Variants in PREP observed in about 807,000 individuals in gnomAD.
PREP encodes dJ355L5.1 (prolyl endopeptidase).
PREP carries 29 observed loss-of-function variants against 87.6 expected under a neutral mutation model. The observed-to-expected ratio is 0.33, with a 90% CI of 0.25 to 0.45. The LOEUF (loss-of-function observed/expected upper bound fraction) is 0.45, where lower values mean the gene tolerates loss of function less well. Ranked by LOEUF, PREP falls within the 20% of genes least tolerant of loss-of-function variation. The pLI, the probability that PREP is intolerant of heterozygous loss-of-function variation, is 1.00. For synonymous variants in PREP, 337 were observed against 328.6 expected (o/e 1.03, Z -0.28); for missense variants, 695 against 886.5 (o/e 0.78, Z 2.74).
At position 105,387,081 on chromosome 6, in the gene PREP, C is replaced by T. The variant is rs539681220; in HGVS notation, c.121-9562G>A. On this transcript the variant is annotated intron_variant, in intron 2 of 14. Transcript: ENST00000652536. ...TACAAAAATTAGCCAGGTGTGGAGGCGGATGCCTGTAGTCCCACCTACTCA... is the reference window on the plus strand; with the variant it reads ...TACAAAAATTAGCCAGGTGTGGAGGTGGATGCCTGTAGTCCCACCTACTCA... Among the ~76,000 whole-genome samples, 60 of 152,144 alleles carry T rather than the reference C, an allele frequency of 3.9e-4. No individual in the cohort carries two copies. The South Asian group carries it at 6.0e-3, about 15-fold the overall frequency.
chr6:105,279,168 T>C lies in PREP; in HGVS notation c.1839-730A>G, dbSNP rs555831365. ...TTGAAATATCTGGATATTTTTTCTT[T>C]ACATTCTCCTAATAGGGGTGTCATG... is the stretch of plus-strand genomic sequence containing the variant. On this transcript the variant is annotated intron_variant, in intron 14 of 14. Transcript: ENST00000652536. The C allele has an allele frequency of 2.6e-5, 4 of 152,356 alleles. No individual in the cohort carries two copies. The East Asian group carries it at 7.7e-4, about 29-fold the overall frequency. 9.4% of individuals were successfully genotyped at this position (152,356 alleles called of 1,614,324 possible). A position where few individuals can be genotyped will look rare whatever the true frequency, so the allele number is the denominator to read the frequency against.
intron 2 of PREP, among the ~76,000 whole-genome samples, chr6:105,389,907 GAAAC>G (rs781379367): frequency 1.3e-5 from 2 of 152,148 alleles, no homozygotes; most frequent in Non-Finnish European, 2.9e-5. Flanking sequence ...AGCAAGCAAA[GAAAC>G]AAACAAACAA....
In PREP at chr6:105,300,938, T is replaced by G. The variant is rs192767357; in HGVS notation, c.1318-12044A>C. Reference sequence around the variant, plus strand: ...TGACCTTAGTTGTGCAAAGATCAACTGTCTCTCTTGAAATTATTATTCTCC... The same window carrying G: ...TGACCTTAGTTGTGCAAAGATCAACGGTCTCTCTTGAAATTATTATTCTCC... On this transcript the variant is annotated intron_variant, in intron 10 of 14. Coordinates refer to ENST00000652536, the MANE Select transcript of PREP (RefSeq NM_002726.5). Among the ~76,000 whole-genome samples, 27 of 152,392 alleles carry G rather than the reference T, an allele frequency of 1.8e-4. 1 individual carries two copies. The highest frequency in any genetic ancestry group is 1.7e-3 in the Admixed American group (26 of 15,310).
chr6:105,334,821 C>A (rs1352390676), intron 7 of PREP, among the ~76,000 whole-genome samples: 1 of 152,192 alleles, frequency 6.6e-6, no homozygotes, highest in East Asian at 1.9e-4. Context: ...CAACCTCCAA[C>A]TCCTGGGCCC....
chr6:105,357,167 CTTA>C (rs1444412196), intron 6 of PREP, among the ~76,000 whole-genome samples: 1 of 152,162 alleles, frequency 6.6e-6, no homozygotes, highest in Non-Finnish European at 1.5e-5. Flanking sequence ...CAATTATAAT[CTTA>C]TTAATATAAT....
At chr6:105,402,733 G>T in intron 1 of PREP, 114 bp downstream of exon 1, 2 of 984,048 alleles carry the variant, frequency 2.0e-6, no homozygotes, top group Non-Finnish European at 2.8e-6. Flanking sequence ...CCGAGGGGGA[G>T]GGGAGGGACG....
At chr6:105,360,382 C>T (rs1195345402) in intron 6 of PREP, among the ~76,000 whole-genome samples, 1 of 152,150 alleles carries the variant, frequency 6.6e-6, no homozygotes, top group African/African-American at 2.4e-5. Flanking sequence ...TTATGCTAGC[C>T]TGAGGAAACC....
Position 105,336,786 on chromosome 6 carries a change from G to T in PREP, c.824-3281C>A, listed in dbSNP as rs1305568546. 2.6e-5 allele frequency among the ~76,000 whole-genome samples: 4 copies of T among 152,170 alleles called. No homozygotes were observed. The East Asian group carries it at 7.7e-4, about 29-fold the overall frequency. ...ATCTGTAGTTTATCATTTTTGGAAA[G>T]AGTCTGCTCTTTCTGTGCCTATAAA... is the stretch of plus-strand genomic sequence containing the variant. On this transcript the variant is annotated intron_variant, in intron 7 of 14. Transcript: ENST00000652536.
Position 105,277,108 on chromosome 6 carries a change from G to C in PREP, c.*1036C>G, listed in dbSNP as rs1769954146. Among the ~76,000 whole-genome samples, 1 of 150,650 alleles carries C rather than the reference G, an allele frequency of 6.6e-6. No individual in the cohort carries two copies. The highest frequency in any genetic ancestry group is 2.4e-5 in the African/African-American group (1 of 41,064). ...ATGCCTTGAAAAAAATTTTATGGAT[G>C]AAAGTTTAAGGAATAGTATATCTTA... On this transcript the variant is annotated 3_prime_UTR_variant, in exon 15 of 15. Coordinates refer to ENST00000652536, the MANE Select transcript of PREP (RefSeq NM_002726.5).
intron 10 of PREP, among the ~76,000 whole-genome samples, chr6:105,309,442 C>G (rs1284101082): frequency 1.3e-5 from 2 of 152,094 alleles, no homozygotes; most frequent in African/African-American, 4.8e-5. Context: ...CTCTGCCACC[C>G]GGGTTCAAGC....
Position 105,278,294 on chromosome 6 carries a change from G to A in PREP, c.1983C>T (p.Gly661=), listed in dbSNP as rs780039988. The A allele has an allele frequency of 2.0e-5, 32 of 1,614,094 alleles. No individual in the cohort carries two copies. Among genetic ancestry groups the A allele is most frequent in the Non-Finnish European group, 2.6e-5 (31 of 1,180,048 alleles). Residue 661 remains glycine, a synonymous_variant, in exon 15 of 15, where the codon GGC becomes GGT. Transcript: ENST00000652536. This position sits in a 1 kb window ranked among gnomAD's most constrained non-coding sequence, Gnocchi z 4.2. ...GGGGGTTGCTTTGCTTCCTGCTGCG[G>A]CCCACGATGTACTGAAGGGTGGCAA... is the stretch of plus-strand genomic sequence containing the variant. ...KFIATLQYIV[G]RSRKQSNPLL...
At chr6:105,293,802 A>G (rs1443426135) in intron 10 of PREP, among the ~76,000 whole-genome samples, 2 of 152,222 alleles carry the variant, frequency 1.3e-5, no homozygotes, top group African/African-American at 2.4e-5. Flanking sequence ...TAGAAGGGCA[A>G]ATAACCTGAG....
rs775679233 is a variant in PREP, at chr6:105,278,481, A to G, written c.1839-43T>C. On this transcript the variant is annotated intron_variant, in intron 14 of 14. Transcript: ENST00000652536. This position sits in a 1 kb window ranked among gnomAD's most constrained non-coding sequence, Gnocchi z 4.2. ...CTTTGTGAGGCTGGAGAGCAACAGT[A>G]GAGTTTTATGGCACAGGGACCTAGG... The G allele has an allele frequency of 6.4e-7, 1 of 1,565,338 alleles. No individual in the cohort carries two copies. The highest frequency in any genetic ancestry group is 8.7e-7 in the Non-Finnish European group (1 of 1,145,672).
chr6:105,376,382 C>T lies in PREP; in HGVS notation c.255-127G>A, dbSNP rs568737392. Reference sequence around the variant, plus strand: ...AAAGGTACCACTGTAATCTGGCCATCGCAGGGACGTGGGGACATGGGTGAA... The same window carrying T: ...AAAGGTACCACTGTAATCTGGCCATTGCAGGGACGTGGGGACATGGGTGAA... On this transcript the variant is annotated intron_variant, in intron 3 of 14. Transcript: ENST00000652536. 3.3e-5 allele frequency: 36 copies of T among 1,081,956 alleles called. 1 individual carries two copies. In the South Asian group the frequency reaches 4.9e-4, roughly 15 times the overall value. The allele number at this position is 1,081,956 out of a possible 1,614,324, so 67.0% of individuals were successfully genotyped here. A position where few individuals can be genotyped will look rare whatever the true frequency, so the allele number is the denominator to read the frequency against.
chr6:105,322,237 A>G, intron 10 of PREP: 1 of 903,574 alleles, frequency 1.1e-6, no homozygotes, highest in Non-Finnish European at 1.3e-6. Context: ...CATGAAAACA[A>G]AATAAGCAGC....
At chr6:105,369,638 A>G (rs1772483914) in intron 5 of PREP, among the ~76,000 whole-genome samples, 1 of 152,246 alleles carries the variant, frequency 6.6e-6, no homozygotes, top group Admixed American at 6.5e-5. Flanking sequence ...AAGAGAGCCT[A>G]GTAGCCTTTT....
intron 1 of PREP, among the ~76,000 whole-genome samples, chr6:105,400,876 T>C (rs1035933485): frequency 1.3e-5 from 2 of 152,158 alleles, no homozygotes; most frequent in Non-Finnish European, 2.9e-5. Flanking sequence ...CAGCTGATGC[T>C]GGGGAGAAAC....
At chr6:105,348,479 A>G (rs1771856804) in intron 7 of PREP, among the ~76,000 whole-genome samples, 1 of 151,660 alleles carries the variant, frequency 6.6e-6, no homozygotes, top group Non-Finnish European at 1.5e-5. Flanking sequence ...CTCTAATCTC[A>G]TGCAGCTCAC....
chr6:105,318,915 G>A (rs1056953593), intron 10 of PREP, among the ~76,000 whole-genome samples: 1 of 152,148 alleles, frequency 6.6e-6, no homozygotes, highest in Non-Finnish European at 1.5e-5. Flanking sequence ...TGAACTTGGC[G>A]CAGAAGTTAA....
Sources: gnomAD v4.1 joint callset for allele counts (sites outside exome capture counted in the v4.1 genomes callset) on GRCh38, gnomAD v4.1.1 for gene constraint, Gnocchi (gnomAD v3.1) non-coding constraint, MANE v1.5 for transcripts, NCBI Gene and HGNC (gene_info 2026-07-23, HGNC 2026-07-21) for gene names.